MARCHF1: variants seen among roughly 807,000 people sequenced by gnomAD.
MARCHF1 encodes the protein E3 ubiquitin-protein ligase MARCHF1.
Under a neutral mutation model 54.2 loss-of-function variants are expected in MARCHF1, and 40 were observed. That is an observed-to-expected ratio of 0.74 (90% CI 0.57 to 0.96). MARCHF1 has a LOEUF of 0.96. MARCHF1 is among the 40% of genes least tolerant of loss of function. The pLI is 0.00. For synonymous variants in MARCHF1, 236 were observed against 236.3 expected, an observed-to-expected ratio of 1.00 and a Z score of 0.01; for missense variants, 586 against 656.5, an observed-to-expected ratio of 0.89 and a Z score of 1.17.
rs1750765138 is a variant in MARCHF1 at position 163,894,910 on chromosome 4, T to TATACATGCATGTGATGC, written c.-38-40742_-38-40741insGCATCACATGCATGTAT. Among the ~76,000 whole-genome samples the TATACATGCATGTGATGC allele has an allele frequency of 7.4e-4, 24 of 32,550 alleles. 8 individuals are homozygous for TATACATGCATGTGATGC. The highest frequency in any genetic ancestry group is 6.7e-3 in the Admixed American group (16 of 2,398). 21.4% of individuals were successfully genotyped at this position (32,550 alleles called of 152,430 possible). On this transcript the variant is annotated intron_variant, in intron 3 of 9. Transcript: ENST00000514618. ...CATATATATATGCATGTGATGCATA[T>TATACATGCATGTGATGC]ATATATATATGCATGTGATGCATAT...
chr4:163,663,995 G>T (rs1743439961), intron 5 of MARCHF1, among the ~76,000 whole-genome samples: 1 of 151,202 alleles, frequency 6.6e-6, no homozygotes, highest in Non-Finnish European at 1.5e-5. Flanking sequence ...GCAATCAGCT[G>T]TGATACATGA....
intron 1 of MARCHF1, among the ~76,000 whole-genome samples, chr4:164,144,506 G>T (rs182150375): frequency 4.4e-4 from 67 of 151,998 alleles, no homozygotes; most frequent in African/African-American, 1.5e-3. Context: ...TAGAACTCAG[G>T]ATTAAGAATC....
chr4:164,207,242 G>T (rs1731632016), intron 1 of MARCHF1, among the ~76,000 whole-genome samples: 1 of 152,182 alleles, frequency 6.6e-6, no homozygotes, highest in South Asian at 2.1e-4. Context: ...TGTATAACAT[G>T]ATCTCCTGGT....
chr4:163,819,581 T>C (rs1288701098), intron 4 of MARCHF1, among the ~76,000 whole-genome samples: 1 of 152,088 alleles, frequency 6.6e-6, no homozygotes, highest in African/African-American at 2.4e-5. Flanking sequence ...TTTTCAAGCC[T>C]CATCAAATTT....
intron 2 of MARCHF1, among the ~76,000 whole-genome samples, chr4:164,012,054 C>A (rs934632247): frequency 3.9e-5 from 6 of 152,148 alleles, no homozygotes; most frequent in Non-Finnish European, 7.3e-5. Context: ...ATTTCTTACA[C>A]CAGCAGGAAA....
chr4:163,896,817 G>A (rs1043193703), intron 3 of MARCHF1, among the ~76,000 whole-genome samples: 1 of 152,122 alleles, frequency 6.6e-6, no homozygotes, highest in African/African-American at 2.4e-5. Flanking sequence ...ACAGGATTGG[G>A]AGGTAAGAGT....
At chr4:163,742,399 CT>C (rs1440932723) in intron 4 of MARCHF1, among the ~76,000 whole-genome samples, 6 of 85,772 alleles carry the variant, frequency 7.0e-5, no homozygotes, top group African/African-American at 2.2e-4. Context: ...TCCTTCCTCC[CT>C]TCCTTCCTTC....
rs1470273851 is a variant in MARCHF1 at position 164,038,670 on chromosome 4, T to C, written c.-247-49961A>G. 2.6e-5 allele frequency among the ~76,000 whole-genome samples: 4 copies of C among 152,210 alleles called. No homozygotes were observed. In the South Asian group the frequency reaches 8.3e-4, roughly 32 times the overall value. On this transcript the variant is annotated intron_variant, in intron 2 of 9. Transcript: ENST00000514618. The stretch of plus-strand genomic sequence containing the variant: ...GTCTATCACTTGTAAACTTTCAGTG[T>C]AGACTGATTGTATTTGGCAAACTCC...
At chr4:164,153,158 A>G (rs2110914719) in intron 1 of MARCHF1, among the ~76,000 whole-genome samples, 2 of 152,272 alleles carry the variant, frequency 1.3e-5, no homozygotes, top group African/African-American at 4.8e-5. Context: ...TTTAGGTGAA[A>G]ATAATGATTA....
rs559754848 is a variant in MARCHF1, at chr4:163,872,969, T to G, written c.-38-18800A>C. 1.6e-3 allele frequency among the ~76,000 whole-genome samples: 249 copies of G among 151,734 alleles called. 2 individuals are homozygous for G. In the East Asian group the frequency reaches 0.02, roughly 12 times the overall value. Reference sequence around the variant, plus strand: ...TGAGGCAGGAGAATGGCGTGAACCCTGGAGGCGGAGCTTGCAGTGAGCCGA... The same window carrying G: ...TGAGGCAGGAGAATGGCGTGAACCCGGGAGGCGGAGCTTGCAGTGAGCCGA... On this transcript the variant is annotated intron_variant, in intron 3 of 9. Transcript: ENST00000514618.
chr4:164,271,694 G>A (rs1251916257), intron 1 of MARCHF1, among the ~76,000 whole-genome samples: 2 of 151,964 alleles, frequency 1.3e-5, no homozygotes, highest in African/African-American at 2.4e-5. Context: ...ATCAGTTCGA[G>A]GTGAATTCCA....
At chr4:164,229,760 C>A (rs981561126) in intron 1 of MARCHF1, among the ~76,000 whole-genome samples, 13 of 151,910 alleles carry the variant, frequency 8.6e-5, no homozygotes, top group Admixed American at 4.6e-4. Flanking sequence ...TTCACATGGC[C>A]CGAGTAAGAG....
intron 2 of MARCHF1, among the ~76,000 whole-genome samples, chr4:164,015,184 C>T (rs1753509634): frequency 1.3e-5 from 2 of 151,984 alleles, no homozygotes; most frequent in Non-Finnish European, 2.9e-5. Flanking sequence ...GACAAAGGTG[C>T]CAAGGACATA....
intron 2 of MARCHF1, among the ~76,000 whole-genome samples, chr4:164,034,356 C>T (rs1354349058): frequency 6.6e-6 from 1 of 152,068 alleles, no homozygotes; most frequent in African/African-American, 2.4e-5. Context: ...AAAGGGAATG[C>T]TTACACGCAG....
At chr4:163,975,264 C>T (rs1410181080) in intron 3 of MARCHF1, among the ~76,000 whole-genome samples, 1 of 151,576 alleles carries the variant, frequency 6.6e-6, no homozygotes, top group Non-Finnish European at 1.5e-5. Context: ...ACAACTCTGA[C>T]TAATGCAGAC....
chr4:163,828,012 CAT>C (rs1237736965), intron 4 of MARCHF1, among the ~76,000 whole-genome samples: 5 of 70,086 alleles, frequency 7.1e-5, no homozygotes, highest in African/African-American at 1.5e-4. Flanking sequence ...TGTGCGCAGG[CAT>C]ACACACACAC....
At chr4:164,089,939 AATT>A (rs1755265408) in intron 2 of MARCHF1, among the ~76,000 whole-genome samples, 1 of 151,376 alleles carries the variant, frequency 6.6e-6, no homozygotes, top group African/African-American at 2.4e-5. Flanking sequence ...AATTTTAGTA[AATT>A]ATATTTTCTT....
chr4:164,287,227 A>C (rs1287930350), intron 1 of MARCHF1, among the ~76,000 whole-genome samples: 2 of 151,562 alleles, frequency 1.3e-5, no homozygotes, highest in African/African-American at 4.8e-5. Flanking sequence ...TACAAAGTCC[A>C]TTGTCATTAA....
At chr4:163,843,896 C>G (rs1420806301) in intron 4 of MARCHF1, among the ~76,000 whole-genome samples, 1 of 151,638 alleles carries the variant, frequency 6.6e-6, no homozygotes, top group East Asian at 1.9e-4. Flanking sequence ...GAGTATTTTT[C>G]CATATGTTTG....
Sources: allele counts gnomAD v4.1 joint callset (sites outside exome capture counted in the v4.1 genomes callset), GRCh38; gene constraint gnomAD v4.1.1; transcripts MANE v1.5; gene names NCBI Gene and HGNC (gene_info 2026-07-23, HGNC 2026-07-21).